ADARB2: variants seen among roughly 807,000 people sequenced by gnomAD.
The protein encoded by ADARB2 is adenosine deaminase RNA specific B2 (inactive).
ADARB2 carries 25 observed loss-of-function variants against 62.2 expected under a neutral mutation model. The ratio of observed to expected loss-of-function variants is 0.40; its 90% CI spans 0.29 to 0.56. The LOEUF (loss-of-function observed/expected upper bound fraction) is 0.56. ADARB2 is among the 20% of genes least tolerant of loss of function. ADARB2 has a pLI of 0.43. For missense variants in ADARB2, 1,071 were observed against 1,077.4 expected, an observed-to-expected ratio of 0.99 and a Z score of 0.08; for synonymous variants, 572 against 500.8, an observed-to-expected ratio of 1.14 and a Z score of -1.90.
chr10:1,412,329 C>T lies in ADARB2; in HGVS notation c.101-33169G>A, dbSNP rs555185782. 5.9e-5 allele frequency among the ~76,000 whole-genome samples: 9 copies of T among 151,922 alleles called. No individual in the cohort carries two copies. The East Asian group carries it at 1.5e-3, about 26-fold the overall frequency. On this transcript the variant is annotated intron_variant, in intron 1 of 9. Transcript: ENST00000381312. ...CTTCTTTTGTCTGTTTACTGTATCG[C>T]CTTGAAGTCTTTACTGAACAGTTGA...
chr10:1,433,129 A>G (rs1445034377), intron 1 of ADARB2, among the ~76,000 whole-genome samples: 1 of 152,242 alleles, frequency 6.6e-6, no homozygotes, highest in Non-Finnish European at 1.5e-5. Flanking sequence ...ATAATCAAAG[A>G]GAAAATGAAG....
At chr10:1,640,804 G>A (rs959220031) in intron 1 of ADARB2, among the ~76,000 whole-genome samples, 1 of 152,156 alleles carries the variant, frequency 6.6e-6, no homozygotes. Context: ...GAAGATAGAC[G>A]TCTCAAAAGG....
At chr10:1,664,330 A>G (rs1463012708) in intron 1 of ADARB2, among the ~76,000 whole-genome samples, 1 of 152,140 alleles carries the variant, frequency 6.6e-6, no homozygotes, top group Admixed American at 6.5e-5. Context: ...CAAGGTATGC[A>G]CTTGCTGAAT....
chr10:1,183,636 C>T lies in ADARB2; in HGVS notation c.2044-267G>A, dbSNP rs138358374. Among the ~76,000 whole-genome samples, 5 of 152,304 alleles carry T rather than the reference C, an allele frequency of 3.3e-5. No homozygotes were observed. The East Asian group carries it at 9.6e-4, about 29-fold the overall frequency. On this transcript the variant is annotated intron_variant, in intron 9 of 9. Coordinates refer to ENST00000381312, the MANE Select transcript of ADARB2 (RefSeq NM_018702.4). Reference sequence around the variant, plus strand: ...AAAGTATGAACACTGTGCAGGGGCTCCAGGCAGGGTTGGGGACAGAGGGGG... The same window carrying T: ...AAAGTATGAACACTGTGCAGGGGCTTCAGGCAGGGTTGGGGACAGAGGGGG...
chr10:1,553,620 C>G (rs1832660092), intron 1 of ADARB2, among the ~76,000 whole-genome samples: 1 of 152,320 alleles, frequency 6.6e-6, no homozygotes, highest in East Asian at 1.9e-4. Flanking sequence ...TCAGAAACAT[C>G]CCGGCTTCTT....
At chr10:1,661,469 T>C (rs1375186104) in intron 1 of ADARB2, among the ~76,000 whole-genome samples, 1 of 152,242 alleles carries the variant, frequency 6.6e-6, no homozygotes. Flanking sequence ...GCCAGGTTTC[T>C]TTCCTTCATG....
chr10:1,331,824 C>T (rs1831930680), intron 3 of ADARB2, among the ~76,000 whole-genome samples: 2 of 152,192 alleles, frequency 1.3e-5, no homozygotes, highest in Admixed American at 6.5e-5. Context: ...GAATCATCTA[C>T]ATATCGCACA....
intron 1 of ADARB2, among the ~76,000 whole-genome samples, chr10:1,400,103 G>A (rs1423426703): frequency 2.0e-5 from 3 of 152,234 alleles, no homozygotes; most frequent in Non-Finnish European, 4.4e-5. Flanking sequence ...TGTGTGGTGG[G>A]CAGGGTTGGA....
intron 1 of ADARB2, among the ~76,000 whole-genome samples, chr10:1,533,649 T>A (rs1832278757): frequency 6.6e-6 from 1 of 152,188 alleles, no homozygotes; most frequent in African/African-American, 2.4e-5. Context: ...AATACCAGGA[T>A]GAGTTAATGA....
chr10:1,605,885 A>T (rs1298722646), intron 1 of ADARB2, among the ~76,000 whole-genome samples: 2 of 152,242 alleles, frequency 1.3e-5, no homozygotes, highest in African/African-American at 4.8e-5. Flanking sequence ...AAAGTCAATG[A>T]TTGGAATGAA....
chr10:1,562,213 C>T (rs1046026974), intron 1 of ADARB2, among the ~76,000 whole-genome samples: 1 of 151,244 alleles, frequency 6.6e-6, no homozygotes, highest in African/African-American at 2.5e-5. Flanking sequence ...GAGCATTCAC[C>T]TCCGGGCCCC....
intron 7 of ADARB2, among the ~76,000 whole-genome samples, chr10:1,210,872 C>T (rs1455895766): frequency 1.3e-5 from 2 of 152,100 alleles, no homozygotes; most frequent in African/African-American, 2.4e-5. Context: ...TAGACGTCTC[C>T]TCGGGACGAG....
At chr10:1,456,053 A>C (rs1831091603) in intron 1 of ADARB2, among the ~76,000 whole-genome samples, 1 of 152,220 alleles carries the variant, frequency 6.6e-6, no homozygotes, top group Admixed American at 6.5e-5. Flanking sequence ...AATTATTTGT[A>C]TGCTTTTCCA....
chr10:1,398,851 C>G lies in ADARB2; in HGVS notation c.101-19691G>C, dbSNP rs1326539237. On this transcript the variant is annotated intron_variant, in intron 1 of 9. Transcript: ENST00000381312. The surrounding 1 kb of genome is among the most constrained non-coding windows in gnomAD (Gnocchi z 4.1). Reference sequence around the variant, plus strand: ...CTCCGCAGCAGCAGCGCAGCCTGCACGAGGTTGCTGGGGGAAACAGACCGC... The same window carrying G: ...CTCCGCAGCAGCAGCGCAGCCTGCAGGAGGTTGCTGGGGGAAACAGACCGC... 6.6e-6 allele frequency among the ~76,000 whole-genome samples: 1 copy of G among 152,064 alleles called. No homozygotes were observed. Among genetic ancestry groups the G allele is most frequent in the Non-Finnish European group, 1.5e-5 (1 of 68,014 alleles).
At chr10:1,274,732 C>G (rs899371211) in intron 3 of ADARB2, among the ~76,000 whole-genome samples, 2 of 152,198 alleles carry the variant, frequency 1.3e-5, no homozygotes, top group African/African-American at 4.8e-5. Flanking sequence ...CAGGAAGGTG[C>G]CAATATTATC....
Position 1,333,899 on chromosome 10 carries a change from C to G in ADARB2, c.1077+29129G>C, listed in dbSNP as rs778133915. On this transcript the variant is annotated intron_variant, in intron 3 of 9. Coordinates refer to ENST00000381312, the MANE Select transcript of ADARB2 (RefSeq NM_018702.4). Reference sequence around the variant, plus strand: ...ATTCCTGCTTCCTTTGCTACCCAGACTGATGAAATACAAACCTCTCAAAGA... The same window carrying G: ...ATTCCTGCTTCCTTTGCTACCCAGAGTGATGAAATACAAACCTCTCAAAGA... Among the ~76,000 whole-genome samples the G allele has an allele frequency of 3.3e-5, 5 of 152,176 alleles. No individual in the cohort carries two copies. In the East Asian group the frequency reaches 9.6e-4, roughly 29 times the overall value.
intron 1 of ADARB2, among the ~76,000 whole-genome samples, chr10:1,504,898 A>C (rs1358982228): frequency 6.6e-6 from 1 of 152,142 alleles, no homozygotes; most frequent in Non-Finnish European, 1.5e-5. Context: ...GGTTCTAGGA[A>C]TGCAAACACA....
chr10:1,283,855 C>A (rs1831390421), intron 3 of ADARB2, among the ~76,000 whole-genome samples: 1 of 152,284 alleles, frequency 6.6e-6, no homozygotes, highest in South Asian at 2.1e-4. Flanking sequence ...TTATGTGATT[C>A]CTTCAAAGCC....
intron 3 of ADARB2, among the ~76,000 whole-genome samples, chr10:1,334,481 A>G (rs1011388880): frequency 6.6e-6 from 1 of 152,242 alleles, no homozygotes; most frequent in African/African-American, 2.4e-5. Flanking sequence ...GTGTTTGTAT[A>G]TAATAAATAC....
Sources: allele counts gnomAD v4.1 joint callset (sites outside exome capture counted in the v4.1 genomes callset), GRCh38; gene constraint gnomAD v4.1.1; non-coding constraint Gnocchi (gnomAD v3.1); transcripts MANE v1.5; gene names NCBI Gene and HGNC (gene_info 2026-07-23, HGNC 2026-07-21).